GARNL3: variants seen among roughly 807,000 people sequenced by gnomAD.
The protein encoded by GARNL3 is GTPase activating Rap/RanGAP domain like 3, also known as GTPase-activating Rap/Ran-GAP domain-like protein 3.
In GARNL3, 63 loss-of-function variants were observed where a neutral mutation model predicts 125.0. The ratio of observed to expected loss-of-function variants is 0.50; its 90% CI spans 0.41 to 0.62. GARNL3 has a LOEUF of 0.62. GARNL3 is among the 20% of genes least tolerant of loss of function. GARNL3 has a pLI of 0.00. For missense variants in GARNL3, 994 were observed against 1,244.0 expected (o/e 0.80, Z 3.02); for synonymous variants, 439 against 457.5 (o/e 0.96, Z 0.52).
At chr9:127,369,720 A>C (rs1274792412) in intron 22 of GARNL3, among the ~76,000 whole-genome samples, 1 of 152,234 alleles carries the variant, frequency 6.6e-6, no homozygotes, top group Non-Finnish European at 1.5e-5. Flanking sequence ...GACTGGGAGC[A>C]CAGATGACTC....
chr9:127,335,864 A>C (rs115020163), intron 10 of GARNL3, among the ~76,000 whole-genome samples: 1,801 of 152,130 alleles, frequency 0.012, 45 homozygotes, highest in African/African-American at 0.042. Flanking sequence ...TCTACATGGG[A>C]TGTACCAGGC....
intron 2 of GARNL3, among the ~76,000 whole-genome samples, chr9:127,292,029 T>C (rs1276353429): frequency 6.6e-6 from 1 of 152,182 alleles, no homozygotes; most frequent in Non-Finnish European, 1.5e-5. Flanking sequence ...TCAGAAGTGC[T>C]AGTTATGATG....
upstream of GARNL3, chr9:127,264,595 G>C (rs2063661699): frequency 3.7e-6 from 4 of 1,080,974 alleles, no homozygotes; most frequent in Non-Finnish European, 3.4e-6. Flanking sequence ...TTTGTCCCTT[G>C]CCTCAAGTTT....
At chr9:127,310,083 A>AACACTCT (rs2065054579) in intron 2 of GARNL3, among the ~76,000 whole-genome samples, 1 of 152,236 alleles carries the variant, frequency 6.6e-6, no homozygotes, top group Non-Finnish European at 1.5e-5. Flanking sequence ...CAATAAGTAG[A>AACACTCT]ACTGAGTTAA....
At chr9:127,231,660 G>A (rs557146206) in intron 1 of GARNL3, among the ~76,000 whole-genome samples, 1 of 152,274 alleles carries the variant, frequency 6.6e-6, no homozygotes, top group African/African-American at 2.4e-5. Context: ...CTCAAAGTGT[G>A]GTCCCTGGAC....
chr9:127,355,189 T>G, intron 19 of GARNL3, 108 bp from the exon 20 acceptor site: 1 of 827,128 alleles, frequency 1.2e-6, no homozygotes, highest in Non-Finnish European at 2.0e-6. Context: ...GTCCATTCAC[T>G]GAGTTATGCT....
At chr9:127,288,961 T>C (rs1314576573) in intron 1 of GARNL3, among the ~76,000 whole-genome samples, 1 of 152,180 alleles carries the variant, frequency 6.6e-6, no homozygotes, top group Non-Finnish European at 1.5e-5. Flanking sequence ...TATTAATTGA[T>C]CATAGTGCTC....
chr9:127,277,981 GC>G (rs1370395162), intron 1 of GARNL3, among the ~76,000 whole-genome samples: 4 of 152,164 alleles, frequency 2.6e-5, no homozygotes, highest in African/African-American at 9.7e-5. Flanking sequence ...TTGGCTCAGT[GC>G]CAGACATCCA....
chr9:127,385,006 G>C lies in GARNL3; in HGVS notation c.2270-21G>C. The stretch of plus-strand genomic sequence containing the variant: ...GCCACCAAGCCAGCAGCTGGGAGGT[G>C]ACACTCCCGTTCCCTTGCAGTCTGT... On this transcript the variant is annotated intron_variant, in intron 23 of 27. Transcript: ENST00000373387. This position sits in a 1 kb window ranked among gnomAD's most constrained non-coding sequence, Gnocchi z 4.1. The C allele has an allele frequency of 6.6e-7, 1 of 1,511,978 alleles. No individual in the cohort carries two copies. The highest frequency in any genetic ancestry group is 9.1e-7 in the Non-Finnish European group (1 of 1,095,668). 93.7% of individuals were successfully genotyped at this position (1,511,978 alleles called of 1,614,324 possible).
chr9:127,366,773 C>G (rs1831308325), intron 22 of GARNL3: 1 of 152,198 alleles, frequency 6.6e-6, no homozygotes, highest in Admixed American at 6.5e-5. Flanking sequence ...CCAGACTTGC[C>G]AGTGCTGACT....
intron 13 of GARNL3, among the ~76,000 whole-genome samples, 174 bp from the exon 14 acceptor site, chr9:127,342,045 C>T (rs994709416): frequency 6.6e-6 from 1 of 151,758 alleles, no homozygotes; most frequent in Non-Finnish European, 1.5e-5. Context: ...CCTTTTCAGC[C>T]GAAGCGAGGC....
intron 1 of GARNL3, among the ~76,000 whole-genome samples, chr9:127,269,594 T>A (rs1159729401): frequency 6.6e-6 from 1 of 152,228 alleles, no homozygotes; most frequent in Non-Finnish European, 1.5e-5. Context: ...TTTCCATTTT[T>A]AAAATAATAG....
Position 127,364,432 on chromosome 9 carries a change from AG to A in GARNL3, c.2095-865del, listed in dbSNP as rs1831174554. Reference sequence around the variant, plus strand: ...AGAAGGAGATCTTGGCTGAGCTCAAAGGGTGGTTTTCCTGGAAGCACAGGAG... The same window carrying A: ...AGAAGGAGATCTTGGCTGAGCTCAAAGGTGGTTTTCCTGGAAGCACAGGAG... On this transcript the variant is annotated intron_variant, in intron 21 of 27. Transcript: ENST00000373387. The surrounding 1 kb of genome is among the most constrained non-coding windows in gnomAD (Gnocchi z 4.2). 1.3e-5 allele frequency: 2 copies of A among 152,552 alleles called. No individual in the cohort carries two copies. The highest frequency in any genetic ancestry group is 4.1e-4 in the South Asian group (2 of 4,838). The allele number at this position is 152,552 out of a possible 1,614,324, so 9.4% of individuals were successfully genotyped here.
At position 127,334,125 on chromosome 9, in the gene GARNL3, G is replaced by A. The variant is rs1161743056; in HGVS notation, c.769+1004G>A. 2.0e-5 allele frequency among the ~76,000 whole-genome samples: 3 copies of A among 152,290 alleles called. 1 individual carries two copies. Among genetic ancestry groups the A allele is most frequent in the South Asian group, 4.2e-4 (2 of 4,818 alleles). ...GTTTCTGCCCTGGGTAGCTGGGTGG[G>A]GTTGGCACCAGCGGTGAGATTGGAA... On this transcript the variant is annotated intron_variant, in intron 9 of 27. Transcript: ENST00000373387.
intron 1 of GARNL3, among the ~76,000 whole-genome samples, chr9:127,224,938 G>A (rs969911308): frequency 1.9e-5 from 2 of 106,864 alleles, no homozygotes; most frequent in East Asian, 3.4e-4. Context: ...TGGGCGGGGC[G>A]TGGGCGGGGC....
chr9:127,376,731 T>C (rs1831940432), intron 22 of GARNL3, among the ~76,000 whole-genome samples: 1 of 152,104 alleles, frequency 6.6e-6, no homozygotes, highest in Non-Finnish European at 1.5e-5. Flanking sequence ...AGAACAATTT[T>C]GTAGTTGAAA....
At chr9:127,255,295 C>T (rs935302890) in intron 2 of GARNL3, among the ~76,000 whole-genome samples, 1 of 152,182 alleles carries the variant, frequency 6.6e-6, no homozygotes, top group Non-Finnish European at 1.5e-5. Flanking sequence ...TATCATATAG[C>T]AGCTAAAGTG....
chr9:127,272,558 C>G (rs2063849154), intron 1 of GARNL3, among the ~76,000 whole-genome samples: 1 of 151,862 alleles, frequency 6.6e-6, no homozygotes. Flanking sequence ...CGGCTCACTG[C>G]AACCTCTGCC....
intron 6 of GARNL3, among the ~76,000 whole-genome samples, chr9:127,323,767 A>G (rs1454669130): frequency 6.6e-6 from 1 of 152,020 alleles, no homozygotes; most frequent in Non-Finnish European, 1.5e-5. Context: ...CCATAAATAT[A>G]TATATATACA....
Sources: allele counts gnomAD v4.1 joint callset (sites outside exome capture counted in the v4.1 genomes callset), GRCh38; gene constraint gnomAD v4.1.1; non-coding constraint Gnocchi (gnomAD v3.1); transcripts MANE v1.5; gene names NCBI Gene and HGNC (gene_info 2026-07-23, HGNC 2026-07-21).